The following KLF12 variants were observed in gnomAD, a reference collection of about 807,000 sequenced individuals.
KLF12 encodes the protein KLF transcription factor 12.
Under a neutral mutation model 37.8 loss-of-function variants are expected in KLF12, and 9 were observed. The observed-to-expected ratio is 0.24, with a 90% CI of 0.14 to 0.42. The LOEUF (loss-of-function observed/expected upper bound fraction) is 0.42. KLF12 is among the 10% of genes least tolerant of loss of function. KLF12 has a pLI of 1.00. For missense variants in KLF12, 411 were observed against 516.0 expected (o/e 0.80, Z 1.97); for synonymous variants, 208 against 202.1 (o/e 1.03, Z -0.25).
At chr13:73,926,894 A>T (rs2139256094) in intron 3 of KLF12, among the ~76,000 whole-genome samples, 1 of 151,708 alleles carries the variant, frequency 6.6e-6, no homozygotes, top group East Asian at 1.9e-4. Context: ...TTAGAAGACA[A>T]CTGAGAACAT....
chr13:74,276,360 A>G, the KLF12 span, among the ~76,000 whole-genome samples: 2 of 152,042 alleles, frequency 1.3e-5, no homozygotes, highest in Non-Finnish European at 2.9e-5. Flanking sequence ...CAATCCTTCT[A>G]CCTTGGCCTC....
the KLF12 span, among the ~76,000 whole-genome samples, chr13:74,271,000 G>A: frequency 6.6e-6 from 1 of 152,174 alleles, no homozygotes; most frequent in East Asian, 1.9e-4. Flanking sequence ...CCGCACAGAA[G>A]GAGGTGAGCG....
In KLF12 at chr13:73,695,387, G is replaced by A. The variant is rs1874069685; in HGVS notation, c.*103C>T. The stretch of plus-strand genomic sequence containing the variant: ...CTCTGGTTTCAGACATCGTGGGATG[G>A]TGATGCCCTTTTGTGTTAACACTGT... On this transcript the variant is annotated 3_prime_UTR_variant, in exon 8 of 8. Coordinates refer to ENST00000377669, the MANE Select transcript of KLF12 (RefSeq NM_007249.5). 1.8e-6 allele frequency: 2 copies of A among 1,105,312 alleles called. No individual in the cohort carries two copies. The highest frequency in any genetic ancestry group is 2.6e-6 in the Non-Finnish European group (2 of 758,554). The allele number at this position is 1,105,312 out of a possible 1,614,324, so 68.5% of individuals were successfully genotyped here. A position where few individuals can be genotyped will look rare whatever the true frequency, so the allele number is the denominator to read the frequency against.
In KLF12 at chr13:74,033,530, C is replaced by A. The variant is rs74397038; in HGVS notation, c.-31-38477G>T. Among the ~76,000 whole-genome samples the A allele has an allele frequency of 6.3e-3, 957 of 152,314 alleles. 9 individuals are homozygous for A. Among genetic ancestry groups the A allele is most frequent in the African/African-American group, 0.022 (905 of 41,566 alleles). On this transcript the variant is annotated intron_variant, in intron 1 of 7. Coordinates refer to ENST00000377669, the MANE Select transcript of KLF12 (RefSeq NM_007249.5). ...TAACACACAAGTGTTCAACATGTTA[C>A]TATAGATCCTTGACACAAATGCTAT...
At chr13:73,986,344 T>C (rs1891828403) in intron 2 of KLF12, among the ~76,000 whole-genome samples, 1 of 152,196 alleles carries the variant, frequency 6.6e-6, no homozygotes, top group African/African-American at 2.4e-5. Flanking sequence ...TTGAATGGAC[T>C]TTTTTCTTCC....
chr13:74,073,251 G>A (rs1252080594), intron 1 of KLF12, among the ~76,000 whole-genome samples: 2 of 151,996 alleles, frequency 1.3e-5, no homozygotes, highest in African/African-American at 4.8e-5. Flanking sequence ...CTATTTGACT[G>A]ATTTTTTTTT....
the KLF12 span, among the ~76,000 whole-genome samples, chr13:74,218,659 A>T: frequency 6.6e-6 from 1 of 152,186 alleles, no homozygotes; most frequent in African/African-American, 2.4e-5. Flanking sequence ...TTCTGTGCAG[A>T]GCTAATTGAC....
At chr13:73,982,238 A>C (rs1342200976) in intron 2 of KLF12, among the ~76,000 whole-genome samples, 2 of 152,244 alleles carry the variant, frequency 1.3e-5, no homozygotes, top group African/African-American at 2.4e-5. Flanking sequence ...TAAGGCATGA[A>C]TAGAAACTTA....
rs1309861752 is a variant in KLF12 at position 73,692,223 on chromosome 13, A to G, written c.*3267T>C. 1.3e-5 allele frequency: 2 copies of G among 152,194 alleles called. No homozygotes were observed. Among genetic ancestry groups the G allele is most frequent in the Non-Finnish European group, 2.9e-5 (2 of 68,030 alleles). The allele number at this position is 152,194 out of a possible 1,614,324, so 9.4% of individuals were successfully genotyped here. The stretch of plus-strand genomic sequence containing the variant: ...TTCTCAGAGTCCACACACAATTGAC[A>G]GAATGAGGGCAGAGGTGGATGCAGA... On this transcript the variant is annotated 3_prime_UTR_variant, in exon 8 of 8. Transcript: ENST00000377669.
chr13:74,000,065 C>CT (rs1170554142), intron 1 of KLF12, among the ~76,000 whole-genome samples: 7 of 152,202 alleles, frequency 4.6e-5, no homozygotes, highest in Non-Finnish European at 2.9e-5. Flanking sequence ...CTCCTCCCCA[C>CT]TTTTTTTAAA....
At chr13:74,134,696 G>A (rs953272549), upstream of KLF12, among the ~76,000 whole-genome samples, 1 of 152,088 alleles carries the variant, frequency 6.6e-6, no homozygotes, top group African/African-American at 2.4e-5. Flanking sequence ...CGGCGGGAGG[G>A]ACCCCTGGAG....
intron 3 of KLF12, among the ~76,000 whole-genome samples, chr13:73,848,915 C>T (rs1296054879): frequency 2.0e-5 from 3 of 152,078 alleles, no homozygotes; most frequent in African/African-American, 7.2e-5. Flanking sequence ...AAAAATAATG[C>T]TTCATCAGTA....
At chr13:73,925,004 G>T (rs1034537121) in intron 3 of KLF12, among the ~76,000 whole-genome samples, 3 of 152,182 alleles carry the variant, frequency 2.0e-5, no homozygotes, top group Non-Finnish European at 4.4e-5. Flanking sequence ...GGCTACTGAA[G>T]AAAAGTCTGA....
At chr13:74,268,419 C>T in the KLF12 span, among the ~76,000 whole-genome samples, 1 of 152,138 alleles carries the variant, frequency 6.6e-6, no homozygotes, top group Admixed American at 6.5e-5. Flanking sequence ...CTTAGCTCAT[C>T]AGATTATGTC....
intron 3 of KLF12, among the ~76,000 whole-genome samples, chr13:73,883,121 C>G (rs1274175422): frequency 6.7e-6 from 1 of 150,222 alleles, no homozygotes; most frequent in African/African-American, 2.4e-5. Flanking sequence ...TATTGTCCCC[C>G]TCTTTTTAAA....
intron 5 of KLF12, chr13:73,800,119 T>C (rs989134621): frequency 3.3e-5 from 5 of 152,120 alleles, no homozygotes; most frequent in Non-Finnish European, 5.9e-5. Context: ...TTTGAGTTTA[T>C]AGACTGAATA....
intron 2 of KLF12, among the ~76,000 whole-genome samples, chr13:73,947,268 A>T (rs1890466959): frequency 6.6e-6 from 1 of 152,208 alleles, no homozygotes; most frequent in Non-Finnish European, 1.5e-5. Flanking sequence ...ATTAATGAAA[A>T]ATCATCCATA....
intron 2 of KLF12, among the ~76,000 whole-genome samples, chr13:73,952,175 A>T (rs1446472315): frequency 6.6e-6 from 1 of 152,202 alleles, no homozygotes; most frequent in Non-Finnish European, 1.5e-5. Flanking sequence ...CAGGTCATGA[A>T]GGGTTGTATC....
chr13:73,950,516 G>A (rs1890605618), intron 2 of KLF12, among the ~76,000 whole-genome samples: 1 of 152,160 alleles, frequency 6.6e-6, no homozygotes, highest in African/African-American at 2.4e-5. Flanking sequence ...GCACACACTT[G>A]GGGGTTGTGA....
Sources: gnomAD v4.1 joint callset for allele counts (sites outside exome capture counted in the v4.1 genomes callset) on GRCh38, gnomAD v4.1.1 for gene constraint, MANE v1.5 for transcripts, NCBI Gene and HGNC (gene_info 2026-07-23, HGNC 2026-07-21) for gene names.